ULK1: variants seen among roughly 807,000 people sequenced by gnomAD.
ULK1 encodes serine/threonine-protein kinase ULK1.
A neutral mutation model predicts 117.5 loss-of-function variants in ULK1; 48 were observed. That is an observed-to-expected ratio of 0.41 (90% confidence interval 0.32 to 0.52). The LOEUF is 0.52. ULK1 is among the 20% of genes least tolerant of loss of function. ULK1 has a pLI of 0.29. For missense variants in ULK1, 1,387 were observed against 1,473.4 expected, an observed-to-expected ratio of 0.94 and a Z score of 0.96; for synonymous variants, 790 against 637.8, an observed-to-expected ratio of 1.24 and a Z score of -3.60.
chr12:131,906,530 G>A (rs529434467), intron 3 of ULK1: 20 of 266,778 alleles, frequency 7.5e-5, no homozygotes, highest in East Asian at 7.4e-4. Context: ...CCCTGTTGGC[G>A]TCTTTGATCC....
chr12:131,917,346 C>T (rs1372556562), intron 21 of ULK1, 65 bp from the exon 22 acceptor site: 70 of 1,251,396 alleles, frequency 5.6e-5, no homozygotes, highest in African/African-American at 1.8e-4. Flanking sequence ...GGGTTCGGCT[C>T]GGAGGCTGTG....
chr12:131,915,480 C>A, intron 18 of ULK1, 59 bp downstream of exon 18: 1 of 1,576,742 alleles, frequency 6.3e-7, no homozygotes, highest in South Asian at 1.1e-5. Context: ...CTCACGTTGT[C>A]ATCCTGGTCT....
chr12:131,919,447 C>G (rs1890048532), intron 24 of ULK1, 25 bp from the exon 25 acceptor site: 2 of 1,603,996 alleles, frequency 1.2e-6, no homozygotes, highest in Middle Eastern at 3.4e-4. Flanking sequence ...CAACCGGCCT[C>G]CTCTGATCTG....
chr12:131,896,751 C>A, intron 3 of ULK1: 1 of 153,138 alleles, frequency 6.5e-6, no homozygotes. Context: ...CCCTTTTCTC[C>A]CTGCTTTCCT....
intron 1 of ULK1, among the ~76,000 whole-genome samples, chr12:131,895,388 G>A (rs1391801650): frequency 6.6e-6 from 1 of 150,598 alleles, no homozygotes; most frequent in East Asian, 2.0e-4. Context: ...CCTCACCCCG[G>A]GACACCCCGC....
rs763359342 is a variant in ULK1, at chr12:131,920,051, G to A, written c.2876G>A (p.Arg959His). The change falls in exon 26 of 28, where the codon CGC (arginine) becomes CAC (histidine). Residue 959 changes from arginine (R) to histidine (H), a missense_variant. Physicochemically the swap from Arg to His is conservative, Grantham distance 29 (BLOSUM62 0). Around this residue, in one of 4 missense-constraint regions of ULK1, gnomAD observed 900 missense variants for 858.9 expected, o/e 1.05. Transcript: ENST00000321867. ...CAGGGCCTGAGCCTGCGGCTGCAGC[G>A]CTTCTTCCTGGACAAGCAGCGGCTC... ...SCQGLSLRLQ[R>H]FFLDKQRLLD... 4.9e-5 allele frequency: 79 copies of A among 1,612,724 alleles called. No individual in the cohort carries two copies. Among genetic ancestry groups the A allele is most frequent in the Admixed American group, 1.3e-4 (8 of 60,004 alleles).
chr12:131,917,949 G>C (rs1044887181), intron 22 of ULK1, among the ~76,000 whole-genome samples: 8 of 152,212 alleles, frequency 5.3e-5, no homozygotes, highest in Non-Finnish European at 7.3e-5. Flanking sequence ...TCCCCAGCCA[G>C]TGGTGTGTGG....
chr12:131,895,935 T>G, intron 3 of ULK1, 111 bp downstream of exon 3: 1 of 1,411,210 alleles, frequency 7.1e-7, no homozygotes, highest in South Asian at 1.2e-5. Flanking sequence ...TGGGGTCTAC[T>G]GGGCCCCTGG....
chr12:131,900,785 CTGCT>C (rs548111123), intron 3 of ULK1, among the ~76,000 whole-genome samples: 24 of 152,222 alleles, frequency 1.6e-4, no homozygotes, highest in Non-Finnish European at 3.5e-4. Flanking sequence ...GTGTCCAGCC[CTGCT>C]TGGGGTCCTG....
intron 23 of ULK1, among the ~76,000 whole-genome samples, 180 bp downstream of exon 23, chr12:131,918,861 C>G (rs180793500): frequency 3.1e-3 from 14 of 4,542 alleles, no homozygotes; most frequent in South Asian, 7.9e-3. Context: ...TGTGGGGTGT[C>G]GGGTGTGTGG....
intron 5 of ULK1, among the ~76,000 whole-genome samples, chr12:131,908,073 G>A (rs1229767489): frequency 6.6e-6 from 1 of 152,108 alleles, no homozygotes; most frequent in African/African-American, 2.4e-5. Context: ...CAGTTCCGGG[G>A]ACTTGGGCCT....
At chr12:131,909,713 AC>A in intron 8 of ULK1, 61 bp from the exon 9 acceptor site, 1 of 1,465,842 alleles carries the variant, frequency 6.8e-7, no homozygotes. Flanking sequence ...ACGCACCGAG[AC>A]CCCGTGGGCT....
Position 131,894,703 on chromosome 12 carries a change from C to G in ULK1, c.-299C>G, listed in dbSNP as rs1888784767. ...TTCTCCGTTGGGGCCGAGCCCGGGC[C>G]CTAGTTGGAGCCGGAGTCGGAGTCG... On this transcript the variant is annotated 5_prime_UTR_variant, in exon 1 of 28. Coordinates refer to ENST00000321867, the MANE Select transcript of ULK1 (RefSeq NM_003565.4). 1 of 151,522 alleles carries G rather than the reference C, an allele frequency of 6.6e-6. No homozygotes were observed. Among genetic ancestry groups the G allele is most frequent in the African/African-American group, 2.4e-5 (1 of 41,276 alleles). The allele number at this position is 151,522 out of a possible 1,614,324, so 9.4% of individuals were successfully genotyped here. A position where few individuals can be genotyped will look rare whatever the true frequency, so the allele number is the denominator to read the frequency against.
Position 131,913,741 on chromosome 12 carries a change from C to G in ULK1, c.1158-6C>G. ...AAATGCCCTTGGCCTCCCTTCTGCC[C>G]CACAGGAGCTCACTGGTGGCCTCTG... On this transcript the variant is annotated splice_polypyrimidine_tract_variant and splice_region_variant and intron_variant, in intron 14 of 27. Transcript: ENST00000321867. The G allele has an allele frequency of 6.6e-7, 1 of 1,521,896 alleles. No individual in the cohort carries two copies. The highest frequency in any genetic ancestry group is 8.8e-7 in the Non-Finnish European group (1 of 1,135,486). 94.3% of individuals were successfully genotyped at this position (1,521,896 alleles called of 1,614,324 possible). A position where few individuals can be genotyped will look rare whatever the true frequency, so the allele number is the denominator to read the frequency against.
In ULK1 at chr12:131,915,146, GC is replaced by G; in HGVS notation, c.1442del (p.Pro481LeufsTer166). The G allele has an allele frequency of 6.2e-7, 1 of 1,605,644 alleles. No individual in the cohort carries two copies. Among genetic ancestry groups the G allele is most frequent in the Non-Finnish European group, 8.5e-7 (1 of 1,176,360 alleles). ...PLGFARASPS[P>X]PAHAEHGGVL... The stretch of plus-strand genomic sequence containing the variant: ...TGGGCTTTGCAAGGGCCAGCCCCTC[GC>G]CCCCTGCCCACGCTGAGCATGGAGG... On this transcript the variant is annotated frameshift_variant, in exon 17 of 28. Transcript: ENST00000321867. LOFTEE classifies it high-confidence loss of function.
rs1889153670 is a variant in ULK1, at chr12:131,903,237, TTGTC to T, written c.247-3654_247-3651del. Among the ~76,000 whole-genome samples, 1 of 152,152 alleles carries T rather than the reference TTGTC, an allele frequency of 6.6e-6. No homozygotes were observed. ...CTGGCAGAGGTGGTCCTGGGCTTGTTTGTCCTCACTTCTCATCCCTGACTCTGCC... is the reference window on the plus strand; with the variant it reads ...CTGGCAGAGGTGGTCCTGGGCTTGTTCTCACTTCTCATCCCTGACTCTGCC... On this transcript the variant is annotated intron_variant, in intron 3 of 27. Transcript: ENST00000321867. The surrounding 1 kb of genome is among the most constrained non-coding windows in gnomAD (Gnocchi z 6.0).
At position 131,921,081 on chromosome 12, in the gene ULK1, C is replaced by G; in HGVS notation, c.2962-19C>G. On this transcript the variant is annotated intron_variant, in intron 26 of 27. Coordinates refer to ENST00000321867, the MANE Select transcript of ULK1 (RefSeq NM_003565.4). The stretch of plus-strand genomic sequence containing the variant: ...AGTGGGGTGAGCTGGCCCTGTCCAG[C>G]CTCTGTCCTCGCCCCCAGGTGCAGT... 1 of 1,574,300 alleles carries G rather than the reference C, an allele frequency of 6.4e-7. No individual in the cohort carries two copies. The highest frequency in any genetic ancestry group is 2.3e-5 in the East Asian group (1 of 43,584).
chr12:131,913,055 T>A (rs1031800980), intron 13 of ULK1, 143 bp from the exon 14 acceptor site: 1 of 701,566 alleles, frequency 1.4e-6, no homozygotes. Flanking sequence ...CCACCCAGGC[T>A]CTGCCCCCCG....
chr12:131,909,991 C>A lies in ULK1; in HGVS notation c.798C>A (p.Arg266=). ...TACTGCAACGCAACCACAAGGACCG[C>A]ATGGACTTCGGTGAGCACCCACCAG... ...LALLQRNHKD[R]MDFDEFFHHP... The change falls in exon 10 of 28, where the codon CGC becomes CGA. Residue 266 remains arginine, a synonymous_variant. Transcript: ENST00000321867. The A allele has an allele frequency of 1.9e-6, 3 of 1,611,994 alleles. No individual in the cohort carries two copies. The highest frequency in any genetic ancestry group is 2.5e-6 in the Non-Finnish European group (3 of 1,179,850).
Sources: gnomAD v4.1 joint callset for allele counts (sites outside exome capture counted in the v4.1 genomes callset) on GRCh38, gnomAD v4.1.1 for gene constraint, gnomAD v4.1.1 regional missense constraint, Gnocchi (gnomAD v3.1) non-coding constraint, MANE v1.5 for transcripts, NCBI Gene and HGNC (gene_info 2026-07-23, HGNC 2026-07-21) for gene names.